FAM107B: variants seen among roughly 807,000 people sequenced by gnomAD.
The protein encoded by FAM107B is family with sequence similarity 107 member B, also known as protein FAM107B.
In FAM107B, 21 loss-of-function variants were observed where a neutral mutation model predicts 31.5. That is an observed-to-expected ratio of 0.67 (90% CI 0.47 to 0.96). The LOEUF (loss-of-function observed/expected upper bound fraction) is 0.96, where lower values mean the gene tolerates loss of function less well. Ranked by LOEUF, FAM107B falls within the 40% of genes least tolerant of loss-of-function variation. The probability of loss-of-function intolerance (pLI) is 0.00; values close to 1 mark genes in which losing one functional copy is unlikely to be tolerated. For synonymous variants in FAM107B, 157 were observed against 141.5 expected, an observed-to-expected ratio of 1.11 and a Z score of -0.78; for missense variants, 452 against 377.1, an observed-to-expected ratio of 1.20 and a Z score of -1.64.
At chr10:14,640,592 C>A (rs1853603731) in intron 2 of FAM107B, among the ~76,000 whole-genome samples, 1 of 152,270 alleles carries the variant, frequency 6.6e-6, no homozygotes, top group African/African-American at 2.4e-5. Context: ...TGCTTTCTTG[C>A]AAGTGAAATA....
At chr10:14,532,786 G>C (rs978093457) in intron 2 of FAM107B, 1 of 152,192 alleles carries the variant, frequency 6.6e-6, no homozygotes, top group South Asian at 2.1e-4. Flanking sequence ...AAAAGGCTCC[G>C]TATTTCTGCC....
chr10:14,763,590 A>C (rs1432462994), intron 1 of FAM107B, among the ~76,000 whole-genome samples: 1 of 152,196 alleles, frequency 6.6e-6, no homozygotes, highest in Non-Finnish European at 1.5e-5. Context: ...CCAGGTCAGA[A>C]GGGTTCCGGC....
chr10:14,720,644 T>G (rs1201383322), intron 1 of FAM107B, among the ~76,000 whole-genome samples: 1 of 152,116 alleles, frequency 6.6e-6, no homozygotes. Context: ...TTTAGAAACA[T>G]AAGAAAATTA....
intron 2 of FAM107B, among the ~76,000 whole-genome samples, chr10:14,577,275 C>T (rs190017405): frequency 2.0e-5 from 3 of 152,298 alleles, no homozygotes; most frequent in Non-Finnish European, 4.4e-5. Context: ...AGAAAGCATG[C>T]TCATATTTGC....
At chr10:14,613,460 C>A (rs1415022671) in intron 2 of FAM107B, among the ~76,000 whole-genome samples, 1 of 152,232 alleles carries the variant, frequency 6.6e-6, no homozygotes, top group African/African-American at 2.4e-5. Flanking sequence ...TCTCTTCTTA[C>A]TCAGAACTTC....
At chr10:14,734,602 C>T (rs1306104040) in intron 1 of FAM107B, among the ~76,000 whole-genome samples, 2 of 151,662 alleles carry the variant, frequency 1.3e-5, no homozygotes, top group Non-Finnish European at 1.5e-5. Context: ...AGATTGGACA[C>T]CTTTGAATTG....
intron 1 of FAM107B, among the ~76,000 whole-genome samples, chr10:14,772,024 T>G (rs1014696016): frequency 1.3e-5 from 2 of 152,182 alleles, no homozygotes; most frequent in African/African-American, 4.8e-5. Context: ...TTACCCTCTT[T>G]AAGCATCCAT....
chr10:14,577,842 G>A (rs761524725), intron 2 of FAM107B, among the ~76,000 whole-genome samples: 7 of 152,122 alleles, frequency 4.6e-5, no homozygotes, highest in Non-Finnish European at 7.3e-5. Context: ...TACTGAAGTC[G>A]TTTCTCTTTA....
At chr10:14,564,544 T>A (rs36057978) in intron 2 of FAM107B, among the ~76,000 whole-genome samples, 1 of 152,050 alleles carries the variant, frequency 6.6e-6, no homozygotes, top group Non-Finnish European at 1.5e-5. Flanking sequence ...ATAAAAACAT[T>A]TTTGCTGTGG....
intron 2 of FAM107B, among the ~76,000 whole-genome samples, chr10:14,561,404 C>G (rs1388460089): frequency 1.3e-5 from 2 of 152,216 alleles, no homozygotes; most frequent in African/African-American, 2.4e-5. Context: ...GAGAAGACAG[C>G]AGACACCTGA....
chr10:14,607,180 T>C (rs1852615888), intron 2 of FAM107B, among the ~76,000 whole-genome samples: 1 of 152,202 alleles, frequency 6.6e-6, no homozygotes, highest in African/African-American at 2.4e-5. Flanking sequence ...TATAAATGCC[T>C]ACAGGCTCAA....
At chr10:14,718,445 G>C (rs1855832187) in intron 1 of FAM107B, among the ~76,000 whole-genome samples, 1 of 136,438 alleles carries the variant, frequency 7.3e-6, no homozygotes, top group Non-Finnish European at 1.6e-5. Context: ...GAGGGAGGGA[G>C]AGAAGGAAGA....
chr10:14,541,675 C>A (rs910711584), intron 2 of FAM107B, among the ~76,000 whole-genome samples: 2 of 152,240 alleles, frequency 1.3e-5, no homozygotes, highest in African/African-American at 4.8e-5. Flanking sequence ...CGTTTCCACA[C>A]TGTCTCCCCT....
intron 2 of FAM107B, among the ~76,000 whole-genome samples, chr10:14,594,511 A>AG (rs1852120509): frequency 7.4e-6 from 1 of 134,994 alleles, no homozygotes; most frequent in Non-Finnish European, 1.6e-5. Flanking sequence ...CAAAAAAAAA[A>AG]AAAAAACAAA....
chr10:14,643,088 G>C (rs1242289022), intron 2 of FAM107B, among the ~76,000 whole-genome samples: 1 of 152,128 alleles, frequency 6.6e-6, no homozygotes, highest in Non-Finnish European at 1.5e-5. Context: ...CAGAAGAACA[G>C]AACTGATTGG....
chr10:14,568,957 A>G (rs1304967669), intron 2 of FAM107B, among the ~76,000 whole-genome samples: 1 of 152,200 alleles, frequency 6.6e-6, no homozygotes, highest in Non-Finnish European at 1.5e-5. Flanking sequence ...TCTGTGGGAC[A>G]CAGTGCATAG....
At chr10:14,668,945 A>G (rs1030515990) in intron 1 of FAM107B, among the ~76,000 whole-genome samples, 6 of 152,202 alleles carry the variant, frequency 3.9e-5, no homozygotes, top group African/African-American at 1.4e-4. Context: ...GAGTGAAAAA[A>G]TTGAATTCAA....
intron 1 of FAM107B, among the ~76,000 whole-genome samples, chr10:14,668,806 C>G (rs1213445955): frequency 1.3e-5 from 2 of 152,118 alleles, no homozygotes; most frequent in East Asian, 3.9e-4. Flanking sequence ...CCTTCCTAGC[C>G]TGGCAGGAAG....
intron 2 of FAM107B, among the ~76,000 whole-genome samples, chr10:14,628,580 T>C (rs934856388): frequency 3.3e-5 from 5 of 152,228 alleles, no homozygotes; most frequent in African/African-American, 9.7e-5. Flanking sequence ...GATACTGTAA[T>C]TGGTTCTTTG....
Sources: gnomAD v4.1 joint callset for allele counts (sites outside exome capture counted in the v4.1 genomes callset) on GRCh38, gnomAD v4.1.1 for gene constraint, MANE v1.5 for transcripts, NCBI Gene and HGNC (gene_info 2026-07-23, HGNC 2026-07-21) for gene names.